Variants in ATP1A4 observed in about 807,000 individuals in gnomAD.
ATP1A4 encodes the protein sodium/potassium-transporting ATPase subunit alpha-4.
ATP1A4 carries 90 observed loss-of-function variants against 114.3 expected under a neutral mutation model. That is an observed-to-expected ratio of 0.79 (90% CI 0.66 to 0.94). The LOEUF (loss-of-function observed/expected upper bound fraction) is 0.94, where lower values mean the gene tolerates loss of function less well. ATP1A4 is among the 40% of genes least tolerant of loss of function. The pLI is 0.00. For synonymous variants in ATP1A4, 511 were observed against 494.1 expected (o/e 1.03, Z -0.45); for missense variants, 1,222 against 1,313.6 (o/e 0.93, Z 1.08).
rs975828171 is a variant in ATP1A4, at chr1:160,159,542, T to C, written c.778+16T>C. The C allele has an allele frequency of 5.7e-6, 9 of 1,592,466 alleles. No individual in the cohort carries two copies. The highest frequency in any genetic ancestry group is 2.7e-5 in the African/African-American group (2 of 74,186). ...TGTGTGGAAGGTGAATATCGAACCA[T>C]AAGTAGCATAGATTCAAAAGCAGGC... On this transcript the variant is annotated intron_variant, in intron 6 of 21. Transcript: ENST00000368081.
Position 160,167,411 on chromosome 1 carries a change from A to G in ATP1A4, c.1490A>G (p.Gln497Arg). ...CCCTTTAATTCTACCAACAAGTACCAGGTACAGAACCCACAAAGGTAGGAG... is the reference window on the plus strand; with the variant it reads ...CCCTTTAATTCTACCAACAAGTACCGGGTACAGAACCCACAAAGGTAGGAG... ...EIPFNSTNKY[Q>R]MSIHLREDSS... Residue 497 changes from glutamine to arginine, a missense_variant and splice_region_variant, in exon 10 of 22, where the codon CAG becomes CGG. Coordinates refer to ENST00000368081, the MANE Select transcript of ATP1A4 (RefSeq NM_144699.4). 6.2e-7 allele frequency: 1 copy of G among 1,612,276 alleles called. No individual in the cohort carries two copies. The highest frequency in any genetic ancestry group is 8.5e-7 in the Non-Finnish European group (1 of 1,179,562).
intron 20 of ATP1A4, 37 bp downstream of exon 20, chr1:160,182,068 G>C (rs760052935): frequency 7.2e-6 from 11 of 1,529,380 alleles, no homozygotes; most frequent in Non-Finnish European, 9.1e-7. Flanking sequence ...GGGATGTGCA[G>C]GCACGGGGGA....
At chr1:160,176,405 G>A (rs1330277501) in intron 16 of ATP1A4, 74 bp from the exon 17 acceptor site, 19 of 1,607,770 alleles carry the variant, frequency 1.2e-5, no homozygotes, top group Non-Finnish European at 1.6e-5. Context: ...AAGACAGAAT[G>A]GTAGAGCTTG....
chr1:160,175,188 G>T (rs1370690672), intron 15 of ATP1A4, among the ~76,000 whole-genome samples: 1 of 152,116 alleles, frequency 6.6e-6, no homozygotes, highest in Non-Finnish European at 1.5e-5. Flanking sequence ...CCCGTGAATT[G>T]ACTGCATGAG....
chr1:160,181,875 T>A (rs1272254666), intron 19 of ATP1A4, 55 bp from the exon 20 acceptor site: 3 of 1,613,588 alleles, frequency 1.9e-6, no homozygotes, highest in African/African-American at 1.3e-5. Flanking sequence ...GACATGCCAT[T>A]TCCCCCTGCC....
At chr1:160,180,749 C>T (rs1201722033) in intron 18 of ATP1A4, among the ~76,000 whole-genome samples, 1 of 114,846 alleles carries the variant, frequency 8.7e-6, no homozygotes, top group Non-Finnish European at 1.6e-5. Context: ...GAGTCTCGCT[C>T]TGTCGCCCAG....
In ATP1A4 at chr1:160,186,374, C is replaced by G; in HGVS notation, c.3061+7C>G. The G allele has an allele frequency of 6.2e-7, 1 of 1,605,382 alleles. No homozygotes were observed. Among genetic ancestry groups the G allele is most frequent in the Non-Finnish European group, 8.5e-7 (1 of 1,173,280 alleles). ...ATCCGTCAGCACCCGGATGGTGAGG[C>G]TCCCCTGGGCCCCGCTCTGACTGAG... On this transcript the variant is annotated splice_region_variant and intron_variant, in intron 21 of 21. Transcript: ENST00000368081.
At chr1:160,174,894 C>T in intron 15 of ATP1A4, 147 bp downstream of exon 15, 2 of 1,213,496 alleles carry the variant, frequency 1.6e-6, no homozygotes, top group Non-Finnish European at 2.3e-6. Flanking sequence ...CAAAATTTTG[C>T]AAATTAGATC....
At chr1:160,159,233 G>A (rs1652783730) in intron 5 of ATP1A4, 97 bp downstream of exon 5, 28 of 1,498,704 alleles carry the variant, frequency 1.9e-5, no homozygotes, top group Non-Finnish European at 2.5e-5. Flanking sequence ...TTATTACTCA[G>A]AATCTTGAGA....
Position 160,155,104 on chromosome 1 carries a change from C to T in ATP1A4, c.267C>T (p.Thr89=), listed in dbSNP as rs750733438. ...ILTRGGPNTV[T]PPPTTPEWVK... is the part of the protein sequence containing the mutation. ...CTCGAGGTGGACCCAATACTGTTAC[C>T]CCACCCCCCACCACTCCAGAATGGG... The change falls in exon 3 of 22, where the codon ACC becomes ACT. Residue 89 remains threonine (T), a synonymous_variant. Coordinates refer to ENST00000368081, the MANE Select transcript of ATP1A4 (RefSeq NM_144699.4). The T allele has an allele frequency of 1.9e-6, 3 of 1,612,854 alleles. No individual in the cohort carries two copies. The highest frequency in any genetic ancestry group is 1.3e-5 in the African/African-American group (1 of 74,764).
At chr1:160,178,285 G>A (rs1178350005) in intron 18 of ATP1A4, among the ~76,000 whole-genome samples, 2 of 152,096 alleles carry the variant, frequency 1.3e-5, no homozygotes, top group Non-Finnish European at 2.9e-5. Flanking sequence ...AACCCGGGGG[G>A]CAAAGTTTGC....
chr1:160,183,896 A>C (rs924728084), intron 20 of ATP1A4, among the ~76,000 whole-genome samples: 5 of 151,622 alleles, frequency 3.3e-5, no homozygotes, highest in Non-Finnish European at 7.4e-5. Context: ...AAAAATATTC[A>C]CTGAATTTCC....
In ATP1A4 at chr1:160,164,032, CT is replaced by C. The variant is rs1465317974; in HGVS notation, c.779-123del. ...AGACCAAATATTAGAACAAAAGATTCTCCTAGCACCCCTATCTTTAAGGGTT... is the reference window on the plus strand; with the variant it reads ...AGACCAAATATTAGAACAAAAGATTCCCTAGCACCCCTATCTTTAAGGGTT... On this transcript the variant is annotated intron_variant, in intron 6 of 21. Transcript: ENST00000368081. The C allele has an allele frequency of 8.9e-6, 11 of 1,242,176 alleles. No individual in the cohort carries two copies. The Admixed American group carries it at 2.2e-4, about 25-fold the overall frequency. The allele number at this position is 1,242,176 out of a possible 1,614,324, so 76.9% of individuals were successfully genotyped here.
chr1:160,171,800 T>G, intron 12 of ATP1A4, 43 bp downstream of exon 12: 2 of 1,594,788 alleles, frequency 1.3e-6, no homozygotes, highest in East Asian at 4.5e-5. Flanking sequence ...CTGTCACAAG[T>G]TGAAGCATCT....
intron 1 of ATP1A4, 29 bp from the exon 2 acceptor site, chr1:160,153,136 G>A: frequency 1.2e-6 from 2 of 1,605,854 alleles, no homozygotes; most frequent in South Asian, 1.1e-5. Context: ...GCCACCCCCT[G>A]TCCCTCAATG....
intron 6 of ATP1A4, among the ~76,000 whole-genome samples, chr1:160,161,528 C>A (rs986422676): frequency 6.6e-6 from 1 of 152,166 alleles, no homozygotes; most frequent in Non-Finnish European, 1.5e-5. Flanking sequence ...AATCCCGTTT[C>A]TCCAAGTGTG....
intron 15 of ATP1A4, among the ~76,000 whole-genome samples, chr1:160,175,350 C>T (rs886250589): frequency 2.0e-5 from 3 of 152,060 alleles, no homozygotes; most frequent in Non-Finnish European, 4.4e-5. Flanking sequence ...ATCATGATTA[C>T]CATTTCATTG....
intron 3 of ATP1A4, 40 bp downstream of exon 3, chr1:160,155,288 C>A: frequency 6.4e-7 from 1 of 1,558,546 alleles, no homozygotes; most frequent in Non-Finnish European, 8.8e-7. Context: ...CCTATCTCTG[C>A]TTAGCCCCAG....
At chr1:160,183,995 C>T (rs1401797461) in intron 20 of ATP1A4, among the ~76,000 whole-genome samples, 1 of 150,672 alleles carries the variant, frequency 6.6e-6, no homozygotes, top group East Asian at 1.9e-4. Context: ...CTCTGTTGCC[C>T]AGGCTGGAGT....
Sources: allele counts gnomAD v4.1 joint callset (sites outside exome capture counted in the v4.1 genomes callset), GRCh38; gene constraint gnomAD v4.1.1; transcripts MANE v1.5; gene names NCBI Gene and HGNC (gene_info 2026-07-23, HGNC 2026-07-21).